Variants in ADGRV1 observed in about 807,000 individuals in gnomAD.
ADGRV1 encodes adhesion G protein-coupled receptor V1.
ADGRV1 carries 359 observed loss-of-function variants against 596.2 expected under a neutral mutation model. The ratio of observed to expected loss-of-function variants is 0.60; its 90% CI spans 0.55 to 0.66. The LOEUF is 0.66. Ranked by LOEUF, ADGRV1 falls within the 30% of genes least tolerant of loss-of-function variation. The probability of loss-of-function intolerance (pLI) is 0.00; values close to 1 mark genes in which losing one functional copy is unlikely to be tolerated. For synonymous variants in ADGRV1, 2,681 were observed against 2,679.2 expected (o/e 1.00, Z -0.02); for missense variants, 7,274 against 7,575.6 (o/e 0.96, Z 1.48).
At chr5:91,135,115 G>A (rs890342004) in intron 87 of ADGRV1, among the ~76,000 whole-genome samples, 1 of 149,358 alleles carries the variant, frequency 6.7e-6, no homozygotes, top group South Asian at 2.1e-4. Context: ...AGAAGGAGAG[G>A]TTGCAGTGAA....
intron 85 of ADGRV1, among the ~76,000 whole-genome samples, chr5:91,030,833 A>G (rs552727043): frequency 7.4e-4 from 112 of 152,286 alleles, no homozygotes; most frequent in African/African-American, 2.5e-3. Context: ...ATTCATTATT[A>G]TTCAGATAAA....
intron 83 of ADGRV1, among the ~76,000 whole-genome samples, chr5:90,936,725 A>G (rs771157942): frequency 2.0e-5 from 3 of 152,100 alleles, no homozygotes; most frequent in Non-Finnish European, 2.9e-5. Context: ...TTTAGCATAT[A>G]GTGCTTTTCA....
intron 79 of ADGRV1, chr5:90,850,670 C>T (rs896568252): frequency 3.9e-5 from 6 of 152,216 alleles, no homozygotes; most frequent in Admixed American, 6.5e-5. Flanking sequence ...TTCCATTTTC[C>T]CTATATCTCT....
intron 85 of ADGRV1, among the ~76,000 whole-genome samples, chr5:91,043,518 G>T (rs895241824): frequency 6.6e-6 from 1 of 151,934 alleles, no homozygotes; most frequent in African/African-American, 2.4e-5. Flanking sequence ...CCAATGCTTG[G>T]GTTCAAACTC....
intron 45 of ADGRV1, among the ~76,000 whole-genome samples, chr5:90,724,090 G>A (rs1044679640): frequency 5.3e-5 from 8 of 151,538 alleles, no homozygotes; most frequent in African/African-American, 1.2e-4. Context: ...ATTTAATAGC[G>A]TAAATTTTTT....
At chr5:91,035,860 ATT>A (rs1491520053) in intron 85 of ADGRV1, among the ~76,000 whole-genome samples, 5 of 34,330 alleles carry the variant, frequency 1.5e-4, no homozygotes, top group African/African-American at 3.9e-4. Flanking sequence ...ATATATATAT[ATT>A]ATATATATAT....
rs116322228 is a variant in ADGRV1 at position 91,081,261 on chromosome 5, T to C, written c.18310+8657T>C. 1.0e-3 allele frequency among the ~76,000 whole-genome samples: 158 copies of C among 152,210 alleles called. No individual in the cohort carries two copies. In the East Asian group the frequency reaches 0.014, roughly 14 times the overall value. On this transcript the variant is annotated intron_variant, in intron 86 of 89. Transcript: ENST00000405460. ...GGCCTCATCTCCAAATACCATTGCA[T>C]TGGGAGTTAGGGCTTCGACATACAA...
chr5:91,092,081 G>A (rs1020744741), intron 86 of ADGRV1, among the ~76,000 whole-genome samples: 2 of 152,198 alleles, frequency 1.3e-5, no homozygotes, highest in East Asian at 3.9e-4. Context: ...AGAGAGAGTG[G>A]CAGGGAAAAT....
rs372007534 is a variant in ADGRV1 at position 90,708,831 on chromosome 5, C to G, written c.8746C>G (p.Leu2916Val). 6.2e-7 allele frequency: 1 copy of G among 1,608,964 alleles called. No individual in the cohort carries two copies. Among genetic ancestry groups the G allele is most frequent in the Non-Finnish European group, 8.5e-7 (1 of 1,176,390 alleles). Residue 2916 changes from leucine (L) to valine (V), a missense_variant, in exon 39 of 90, where the codon CTA becomes GTA. By Grantham distance (32) the Leu-to-Val change is conservative (BLOSUM62 1). Coordinates refer to ENST00000405460, the MANE Select transcript of ADGRV1 (RefSeq NM_032119.4). The part of the protein sequence containing the change: ...ITILEDDVPE[L>V]EEYFLVNLTY... ...ATTTTTTCAGGATGATGTACCAGAG[C>G]TAGAAGAATATTTCCTGGTGAATTT...
At chr5:90,605,789 A>C (rs1762046759) in intron 1 of ADGRV1, among the ~76,000 whole-genome samples, 1 of 152,254 alleles carries the variant, frequency 6.6e-6, no homozygotes, top group African/African-American at 2.4e-5. Flanking sequence ...CAAGAAAATT[A>C]ATAAAGAAAT....
chr5:90,976,214 GTGTATA>G (rs1309930903), intron 84 of ADGRV1, among the ~76,000 whole-genome samples: 33 of 140,908 alleles, frequency 2.3e-4, no homozygotes, highest in African/African-American at 8.5e-4. Flanking sequence ...GTGTGTGAGT[GTGTATA>G]TATATATATA....
At chr5:90,610,346 G>A (rs758009875) in intron 1 of ADGRV1, among the ~76,000 whole-genome samples, 5 of 151,950 alleles carry the variant, frequency 3.3e-5, no homozygotes, top group African/African-American at 4.8e-5. Flanking sequence ...AACAGCAATA[G>A]GAATAAATTA....
chr5:91,097,651 CT>C (rs1213698721), intron 86 of ADGRV1, among the ~76,000 whole-genome samples: 1 of 152,188 alleles, frequency 6.6e-6, no homozygotes, highest in Non-Finnish European at 1.5e-5. Context: ...TTCTACCAAA[CT>C]GTTTTCCACG....
intron 87 of ADGRV1, among the ~76,000 whole-genome samples, chr5:91,148,931 C>T (rs1795786449): frequency 6.6e-6 from 1 of 152,224 alleles, no homozygotes; most frequent in African/African-American, 2.4e-5. Flanking sequence ...GGATTAATGA[C>T]TGCCCTATTG....
At chr5:91,036,385 C>T (rs994684705) in intron 85 of ADGRV1, among the ~76,000 whole-genome samples, 2 of 151,982 alleles carry the variant, frequency 1.3e-5, no homozygotes, top group Admixed American at 6.6e-5. Context: ...CGGTGAAACC[C>T]TGTCTCTACT....
chr5:90,809,013 C>T (rs1762175479), intron 73 of ADGRV1, among the ~76,000 whole-genome samples: 1 of 149,616 alleles, frequency 6.7e-6, no homozygotes, highest in Non-Finnish European at 1.5e-5. Context: ...GTGGTGCTAG[C>T]TCGGCTCACT....
At chr5:90,663,110 C>G (rs1178299111) in intron 21 of ADGRV1, among the ~76,000 whole-genome samples, 1 of 150,336 alleles carries the variant, frequency 6.7e-6, no homozygotes. Flanking sequence ...GATTTACAGT[C>G]CTTTGGGTAT....
intron 85 of ADGRV1, among the ~76,000 whole-genome samples, chr5:91,030,186 G>A (rs1351120868): frequency 6.6e-6 from 1 of 152,050 alleles, no homozygotes; most frequent in African/African-American, 2.4e-5. Flanking sequence ...TGCTAATGAT[G>A]AGATTATATT....
At chr5:90,617,761 A>T (rs1763552493) in intron 2 of ADGRV1, 43 bp from the exon 3 acceptor site, 1 of 1,533,236 alleles carries the variant, frequency 6.5e-7, no homozygotes. Flanking sequence ...ACTTGTCCTA[A>T]TACTGTGTTA....
Sources: allele counts gnomAD v4.1 joint callset (sites outside exome capture counted in the v4.1 genomes callset), GRCh38; gene constraint gnomAD v4.1.1; transcripts MANE v1.5; gene names NCBI Gene and HGNC (gene_info 2026-07-23, HGNC 2026-07-21).